ZBTB47: variants seen among roughly 807,000 people sequenced by gnomAD.
ZBTB47 encodes the protein zinc finger and BTB domain containing 47.
Under a neutral mutation model 56.6 loss-of-function variants are expected in ZBTB47, and 24 were observed. The observed-to-expected ratio is 0.42, with a 90% confidence interval of 0.31 to 0.60. The LOEUF (loss-of-function observed/expected upper bound fraction) is 0.60, where lower values mean the gene tolerates loss of function less well. ZBTB47 is among the 20% of genes least tolerant of loss of function. The pLI, the probability that ZBTB47 is intolerant of heterozygous loss-of-function variation, is 0.14. For synonymous variants in ZBTB47, 414 were observed against 418.9 expected, an observed-to-expected ratio of 0.99 and a Z score of 0.14; for missense variants, 829 against 1,032.6, an observed-to-expected ratio of 0.80 and a Z score of 2.70.
In ZBTB47 at chr3:42,663,027, T is replaced by C; in HGVS notation, c.1637T>C (p.Met546Thr). The change falls in exon 4 of 6, where the codon ATG becomes ACG. Residue 546 changes from methionine to threonine, a missense_variant. Coordinates refer to ENST00000232974, the MANE Select transcript of ZBTB47 (RefSeq NM_145166.4). This position sits in a 1 kb window ranked among gnomAD's most constrained non-coding sequence, Gnocchi z 5.1. ...RKHMVAHTKD[M>T]PFTCETCGKS... ...CACCTCGTAGCCCACACCAAGGACA[T>C]GCCCTTCACCTGCGAGACCTGCGGA... 1 of 1,613,668 alleles carries C rather than the reference T, an allele frequency of 6.2e-7. No homozygotes were observed. The highest frequency in any genetic ancestry group is 8.5e-7 in the Non-Finnish European group (1 of 1,179,616).
chr3:42,659,938 C>A, intron 2 of ZBTB47, 110 bp downstream of exon 2: 1 of 1,405,844 alleles, frequency 7.1e-7, no homozygotes, highest in Non-Finnish European at 9.3e-7. Context: ...AGGTGGTCTG[C>A]GGAGACCAGA....
rs1306912019 is a variant in ZBTB47 at position 42,658,336 on chromosome 3, C to T, written c.-20C>T. The T allele has an allele frequency of 7.2e-6, 11 of 1,520,630 alleles. No homozygotes were observed. The highest frequency in any genetic ancestry group is 2.5e-5 in the South Asian group (2 of 81,614). 94.2% of individuals were successfully genotyped at this position (1,520,630 alleles called of 1,614,324 possible). On this transcript the variant is annotated 5_prime_UTR_variant, in exon 2 of 6. Coordinates refer to ENST00000232974, the MANE Select transcript of ZBTB47 (RefSeq NM_145166.4). ...GAGTTCTCGCTGGTGGAGGACGTGG[C>T]GCTGCACTTTGCCTGCTTGATGGGC...
rs2125840471 is a variant in ZBTB47, at chr3:42,667,300, T to C, written c.*2702T>C. Among the ~76,000 whole-genome samples the C allele has an allele frequency of 6.6e-6, 1 of 152,310 alleles. No homozygotes were observed. The highest frequency in any genetic ancestry group is 1.5e-5 in the Non-Finnish European group (1 of 68,022). Reference sequence around the variant, plus strand: ...CTGGGTCTGCCCCCTCCCCGGCTCCTTGGGGCTCTCTGGTCTCAGGCCAGC... The same window carrying C: ...CTGGGTCTGCCCCCTCCCCGGCTCCCTGGGGCTCTCTGGTCTCAGGCCAGC... On this transcript the variant is annotated 3_prime_UTR_variant, in exon 6 of 6. Transcript: ENST00000232974.
At chr3:42,660,220 G>A (rs1235172769) in intron 2 of ZBTB47, among the ~76,000 whole-genome samples, 1 of 152,248 alleles carries the variant, frequency 6.6e-6, no homozygotes, top group African/African-American at 2.4e-5. Context: ...AAACACGGGG[G>A]CTGTAGGAAG....
Position 42,654,586 on chromosome 3 carries a change from T to A in ZBTB47, c.-82+703T>A. The A allele has an allele frequency of 2.6e-6, 2 of 769,232 alleles. No homozygotes were observed. Among genetic ancestry groups the A allele is most frequent in the Non-Finnish European group, 3.2e-6 (2 of 634,276 alleles). 47.7% of individuals were successfully genotyped at this position (769,232 alleles called of 1,614,324 possible). ...CCCGGGGGCCATGGTCGCGGGGCCC[T>A]GCGCGGGGGCGGCCCCCAGCGCGGC... On this transcript the variant is annotated intron_variant, in intron 1 of 5. Coordinates refer to ENST00000232974, the MANE Select transcript of ZBTB47 (RefSeq NM_145166.4). This position sits in a 1 kb window ranked among gnomAD's most constrained non-coding sequence, Gnocchi z 5.0.
chr3:42,659,340 G>T lies in ZBTB47; in HGVS notation c.985G>T (p.Glu329Ter). ...CGGGCACAGTGAGCAGGAAGAGGAA[G>T]AGGAGGAGGAAGAGGAGGAAGGGCC... ...EDGHSEQEEE[E>*]EEEEEEGPSE... is the part of the protein sequence containing the mutation. Residue 329 changes from glutamate (E) to a stop codon, truncating the protein, a stop_gained, in exon 2 of 6, where the codon GAG (glutamate) becomes TAG (stop). Coordinates refer to ENST00000232974, the MANE Select transcript of ZBTB47 (RefSeq NM_145166.4). LOFTEE classifies it high-confidence loss of function. The T allele has an allele frequency of 6.8e-7, 1 of 1,463,782 alleles. No individual in the cohort carries two copies. Among genetic ancestry groups the T allele is most frequent in the East Asian group, 2.4e-5 (1 of 40,864 alleles). 90.7% of individuals were successfully genotyped at this position (1,463,782 alleles called of 1,614,324 possible).
chr3:42,663,937 C>T lies in ZBTB47; in HGVS notation c.1878C>T (p.His626=). 1 of 1,610,388 alleles carries T rather than the reference C, an allele frequency of 6.2e-7. No individual in the cohort carries two copies. Residue 626 remains histidine, a synonymous_variant, in exon 5 of 6, where the codon CAC becomes CAT. Transcript: ENST00000232974. The surrounding 1 kb of genome is among the most constrained non-coding windows in gnomAD (Gnocchi z 5.1). Reference sequence around the variant, plus strand: ...ACTTCGATGAGCACATGAAGACCCACACAGGTGCGGCTGCCCCTGGGGACG... The same window carrying T: ...ACTTCGATGAGCACATGAAGACCCATACAGGTGCGGCTGCCCCTGGGGACG... The part of the protein sequence containing the change: ...KQYFDEHMKT[H]TGEKPYICEI...
chr3:42,663,670 C>T lies in ZBTB47; in HGVS notation c.1738-127C>T. The T allele has an allele frequency of 8.0e-7, 1 of 1,252,984 alleles. No individual in the cohort carries two copies. Among genetic ancestry groups the T allele is most frequent in the Non-Finnish European group, 1.1e-6 (1 of 906,784 alleles). 77.6% of individuals were successfully genotyped at this position (1,252,984 alleles called of 1,614,324 possible). On this transcript the variant is annotated intron_variant, in intron 4 of 5. Transcript: ENST00000232974. This position sits in a 1 kb window ranked among gnomAD's most constrained non-coding sequence, Gnocchi z 5.1. ...GCACCTCGGCTTGCCCTCATGTCCC[C>T]ATCTCCTTGCCCAGGAGCCCCTGAG...
Position 42,659,394 on chromosome 3 carries a change from G to A in ZBTB47, c.1039G>A (p.Glu347Lys). Residue 347 changes from glutamate (E) to lysine (K), a missense_variant, in exon 2 of 6, where the codon GAG becomes AAG. Physicochemically the swap from Glu to Lys is moderately conservative, Grantham distance 56. This residue lies in a region of ZBTB47 where 359 missense variants were observed against 359.8 expected (regional missense o/e 1.00). Transcript: ENST00000232974. ...PSEQDQESSE[E>K]EEGEEGEAGG... The stretch of plus-strand genomic sequence containing the variant: ...TGAGCAGGATCAAGAGAGCTCTGAG[G>A]AGGAGGAGGGGGAGGAGGGGGAGGC... 1 of 1,436,472 alleles carries A rather than the reference G, an allele frequency of 7.0e-7. No homozygotes were observed. Among genetic ancestry groups the A allele is most frequent in the Non-Finnish European group, 9.1e-7 (1 of 1,098,406 alleles). 89.0% of individuals were successfully genotyped at this position (1,436,472 alleles called of 1,614,324 possible).
In ZBTB47 at chr3:42,661,632, GGT is replaced by G. The variant is rs1281181266; in HGVS notation, c.1621+1_1621+2del. The G allele has an allele frequency of 6.2e-7, 1 of 1,613,830 alleles. No homozygotes were observed. The highest frequency in any genetic ancestry group is 8.5e-7 in the Non-Finnish European group (1 of 1,179,798). On this transcript the variant is annotated splice_donor_variant, in intron 3 of 5. Transcript: ENST00000232974. LOFTEE classifies it high-confidence loss of function. ...GGCCCACGTGCGTAAGCACATGGTT[GGT>G]AAGTCTGGGCCACTGGGGGATGGAG...
Position 42,661,650 on chromosome 3 carries a change from G to C in ZBTB47, c.1621+18G>C, listed in dbSNP as rs1267814805. On this transcript the variant is annotated intron_variant, in intron 3 of 5. Coordinates refer to ENST00000232974, the MANE Select transcript of ZBTB47 (RefSeq NM_145166.4). ...CATGGTTGGTAAGTCTGGGCCACTG[G>C]GGGATGGAGCCAGAGGATAGAGATG... 6.2e-7 allele frequency: 1 copy of C among 1,613,252 alleles called. No individual in the cohort carries two copies. The highest frequency in any genetic ancestry group is 8.5e-7 in the Non-Finnish European group (1 of 1,179,578).
At chr3:42,660,330 T>G (rs1201930379) in intron 2 of ZBTB47, among the ~76,000 whole-genome samples, 1 of 152,216 alleles carries the variant, frequency 6.6e-6, no homozygotes, top group Non-Finnish European at 1.5e-5. Context: ...CATCCTCCAC[T>G]TCCCACAAAA....
In ZBTB47 at chr3:42,656,303, G is replaced by A. The variant is rs769239937; in HGVS notation, c.-81-1972G>A. ...CGCTTTTTAAGTCATTAAAGGCTCAGAAATCCAGCCATGTGGGGTCTAGCA... is the reference window on the plus strand; with the variant it reads ...CGCTTTTTAAGTCATTAAAGGCTCAAAAATCCAGCCATGTGGGGTCTAGCA... On this transcript the variant is annotated intron_variant, in intron 1 of 5. Coordinates refer to ENST00000232974, the MANE Select transcript of ZBTB47 (RefSeq NM_145166.4). The surrounding 1 kb of genome is among the most constrained non-coding windows in gnomAD (Gnocchi z 5.8). Among the ~76,000 whole-genome samples, 7 of 152,302 alleles carry A rather than the reference G, an allele frequency of 4.6e-5. No individual in the cohort carries two copies. The highest frequency in any genetic ancestry group is 8.8e-5 in the Non-Finnish European group (6 of 68,022).
At chr3:42,657,132 G>A (rs1012497921) in intron 1 of ZBTB47, among the ~76,000 whole-genome samples, 8 of 152,190 alleles carry the variant, frequency 5.3e-5, no homozygotes, top group African/African-American at 1.9e-4. Flanking sequence ...GCCTGTCTGT[G>A]CTGCCCACCT....
Position 42,654,750 on chromosome 3 carries a change from C to T in ZBTB47, c.-82+867C>T. ...TATCCGCCCACCTGCCAGCTCTGAC[C>T]TCCCAGGCACACGGCCCGCGGGCCC... On this transcript the variant is annotated intron_variant, in intron 1 of 5. Transcript: ENST00000232974. The surrounding 1 kb of genome is among the most constrained non-coding windows in gnomAD (Gnocchi z 5.0). 1 of 983,794 alleles carries T rather than the reference C, an allele frequency of 1.0e-6. No individual in the cohort carries two copies. The highest frequency in any genetic ancestry group is 1.2e-6 in the Non-Finnish European group (1 of 828,570). 60.9% of individuals were successfully genotyped at this position (983,794 alleles called of 1,614,324 possible). A position where few individuals can be genotyped will look rare whatever the true frequency, so the allele number is the denominator to read the frequency against.
chr3:42,657,246 T>G (rs568160172), intron 1 of ZBTB47, among the ~76,000 whole-genome samples: 1 of 152,298 alleles, frequency 6.6e-6, no homozygotes, highest in African/African-American at 2.4e-5. Context: ...GTCTGACCCA[T>G]CAGACATTGA....
At position 42,656,602 on chromosome 3, in the gene ZBTB47, G is replaced by A. The variant is rs1710644233; in HGVS notation, c.-81-1673G>A. On this transcript the variant is annotated intron_variant, in intron 1 of 5. Coordinates refer to ENST00000232974, the MANE Select transcript of ZBTB47 (RefSeq NM_145166.4). This position sits in a 1 kb window ranked among gnomAD's most constrained non-coding sequence, Gnocchi z 5.8. ...CAAGGAAGATGGTAGCCTTGGCCAG[G>A]GGCCTGGCCAGACTGGGATGTGAGG... is the stretch of plus-strand genomic sequence containing the variant. Among the ~76,000 whole-genome samples the A allele has an allele frequency of 6.6e-6, 1 of 152,114 alleles. No individual in the cohort carries two copies. Among genetic ancestry groups the A allele is most frequent in the Non-Finnish European group, 1.5e-5 (1 of 68,000 alleles).
intron 1 of ZBTB47, among the ~76,000 whole-genome samples, chr3:42,655,410 G>C (rs1037820359): frequency 1.3e-5 from 2 of 152,236 alleles, no homozygotes; most frequent in Non-Finnish European, 2.9e-5. Context: ...CTTCTCATCA[G>C]TGAGGCAAGG....
In ZBTB47 at chr3:42,658,610, C is replaced by T. The variant is rs768348260; in HGVS notation, c.255C>T (p.Asn85=). 11 of 1,536,892 alleles carry T rather than the reference C, an allele frequency of 7.2e-6. No individual in the cohort carries two copies. The highest frequency in any genetic ancestry group is 5.9e-5 in the South Asian group (5 of 84,072). ...YTSKLLVNAA[N]VHEVLSAASL... ...CCAAGCTGCTGGTCAACGCGGCCAA[C>T]GTCCACGAGGTGCTCAGCGCCGCCT... is the stretch of plus-strand genomic sequence containing the variant. Residue 85 remains asparagine (N), a synonymous_variant, in exon 2 of 6, where the codon AAC becomes AAT. Coordinates refer to ENST00000232974, the MANE Select transcript of ZBTB47 (RefSeq NM_145166.4).
Sources: gnomAD v4.1 joint callset for allele counts (sites outside exome capture counted in the v4.1 genomes callset) on GRCh38, gnomAD v4.1.1 for gene constraint, gnomAD v4.1.1 regional missense constraint, Gnocchi (gnomAD v3.1) non-coding constraint, MANE v1.5 for transcripts, NCBI Gene and HGNC (gene_info 2026-07-23, HGNC 2026-07-21) for gene names.